Variants in DOCK9 observed in about 807,000 individuals in gnomAD.
DOCK9 encodes the protein dedicator of cytokinesis protein 9.
DOCK9 carries 89 observed loss-of-function variants against 263.3 expected under a neutral mutation model. The ratio of observed to expected loss-of-function variants is 0.34; its 90% CI spans 0.28 to 0.40. The LOEUF (loss-of-function observed/expected upper bound fraction) is 0.40, where lower values mean the gene tolerates loss of function less well. Ranked by LOEUF, DOCK9 falls within the 10% of genes least tolerant of loss-of-function variation. The pLI is 1.00. For missense variants in DOCK9, 2,140 were observed against 2,603.4 expected, an observed-to-expected ratio of 0.82 and a Z score of 3.87; for synonymous variants, 976 against 973.1, an observed-to-expected ratio of 1.00 and a Z score of -0.06.
chr13:99,015,419 C>T (rs1281217391), intron 1 of DOCK9: 5 of 1,544,452 alleles, frequency 3.2e-6, no homozygotes, highest in Middle Eastern at 2.1e-4. Context: ...CATTAAACTA[C>T]TTGTTAATTA....
chr13:98,802,533 G>C (rs1375389116), intron 49 of DOCK9, among the ~76,000 whole-genome samples: 1 of 152,226 alleles, frequency 6.6e-6, no homozygotes, highest in Non-Finnish European at 1.5e-5. Context: ...AGGTTTGGAA[G>C]ACTCTGGAAT....
At chr13:99,063,505 G>C (rs773483750) in intron 1 of DOCK9, among the ~76,000 whole-genome samples, 1 of 152,324 alleles carries the variant, frequency 6.6e-6, no homozygotes, top group Admixed American at 6.5e-5. Flanking sequence ...CCTCGGGTGA[G>C]CATCCATATG....
At chr13:98,947,506 AT>A (rs35004750) in intron 2 of DOCK9, among the ~76,000 whole-genome samples, 22,487 of 123,522 alleles carry the variant, frequency 0.18, 1,459 homozygotes, top group South Asian at 0.26. Context: ...TCTATTCAGA[AT>A]TTTTTTTTTT....
chr13:98,887,235 T>C (rs1313542534), intron 18 of DOCK9, among the ~76,000 whole-genome samples: 3 of 149,910 alleles, frequency 2.0e-5, no homozygotes, highest in African/African-American at 7.4e-5. Flanking sequence ...ATTTGGGTTA[T>C]GGAGCTAGAC....
At chr13:98,993,194 C>T (rs1266136421) in intron 1 of DOCK9, among the ~76,000 whole-genome samples, 5 of 152,158 alleles carry the variant, frequency 3.3e-5, no homozygotes, top group Non-Finnish European at 7.3e-5. Flanking sequence ...ATATGGGTAT[C>T]TGGTAGTTAA....
chr13:98,896,285 G>A (rs990667782), intron 15 of DOCK9, among the ~76,000 whole-genome samples: 1 of 152,138 alleles, frequency 6.6e-6, no homozygotes, highest in Non-Finnish European at 1.5e-5. Context: ...GGCTGAAGCC[G>A]CCTGCTGACA....
chr13:98,851,488 A>C (rs1325870778), intron 35 of DOCK9, among the ~76,000 whole-genome samples: 1 of 152,124 alleles, frequency 6.6e-6, no homozygotes, highest in African/African-American at 2.4e-5. Context: ...CCCTCAGCAC[A>C]CACCAGACGA....
At position 98,825,808 on chromosome 13, in the gene DOCK9, A is replaced by T; in HGVS notation, c.5023+1022T>A. On this transcript the variant is annotated intron_variant, in intron 44 of 52. Transcript: ENST00000682017. The surrounding 1 kb of genome is among the most constrained non-coding windows in gnomAD (Gnocchi z 4.1). ...GCAAAGTTAAAAGGGCAAATCCCCC[A>T]CCACGGGAGGGCACGTGACCAGGGC... The T allele has an allele frequency of 1.7e-6, 2 of 1,144,552 alleles. No homozygotes were observed. Among genetic ancestry groups the T allele is most frequent in the Non-Finnish European group, 2.3e-6 (2 of 852,552 alleles). The allele number at this position is 1,144,552 out of a possible 1,614,324, so 70.9% of individuals were successfully genotyped here.
rs758511650 is a variant in DOCK9 at position 98,885,799 on chromosome 13, T to C, written c.2169A>G (p.Glu723=). The change falls in exon 20 of 53, where the codon GAA becomes GAG. Residue 723 remains glutamate, a synonymous_variant. Transcript: ENST00000682017. ...IKIELPTQLH[E]KHHLLLTFFH... ...AGAATGTGAGCAACAGGTGGTGCTT[T>C]TCATGCAGCTGAGTGGGCAACTCTA... is the stretch of plus-strand genomic sequence containing the variant. 1.2e-6 allele frequency: 2 copies of C among 1,611,430 alleles called. No homozygotes were observed. Among genetic ancestry groups the C allele is most frequent in the South Asian group, 1.1e-5 (1 of 90,366 alleles).
intron 2 of DOCK9, among the ~76,000 whole-genome samples, chr13:98,932,119 G>A (rs1361304152): frequency 3.3e-5 from 5 of 152,188 alleles, no homozygotes; most frequent in East Asian, 1.9e-4. Flanking sequence ...TCGACTGGGC[G>A]CGGTGACTGA....
intron 45 of DOCK9, among the ~76,000 whole-genome samples, chr13:98,821,671 G>C (rs1190950088): frequency 6.6e-6 from 1 of 152,170 alleles, no homozygotes; most frequent in East Asian, 1.9e-4. Flanking sequence ...TTGTGAATAG[G>C]AATTGGAGGT....
rs140398561 is a variant in DOCK9 at position 98,934,129 on chromosome 13, T to C, written c.244-3872A>G. 7.5e-3 allele frequency among the ~76,000 whole-genome samples: 1,144 copies of C among 152,198 alleles called. 8 individuals are homozygous for C. The highest frequency in any genetic ancestry group is 0.011 in the Non-Finnish European group (738 of 68,006). ...CATTTTGTCCAGGCTGGTCTTGAAC[T>C]CCTGGGCTCAAGCAATCCTCCCACC... On this transcript the variant is annotated intron_variant, in intron 2 of 52. Transcript: ENST00000682017.
intron 47 of DOCK9, 134 bp from the exon 48 acceptor site, chr13:98,807,941 G>A: frequency 1.5e-6 from 1 of 678,442 alleles, no homozygotes; most frequent in Non-Finnish European, 2.3e-6. Context: ...CTTTCTGAAT[G>A]AGAAAGAAAA....
chr13:98,923,425 C>A, intron 4 of DOCK9, 54 bp from the exon 5 acceptor site: 1 of 1,432,056 alleles, frequency 7.0e-7, no homozygotes, highest in Non-Finnish European at 9.9e-7. Flanking sequence ...AAGGAAGAGG[C>A]TTTGCATTTC....
chr13:98,932,623 G>A (rs2054153037), intron 2 of DOCK9, among the ~76,000 whole-genome samples: 1 of 152,160 alleles, frequency 6.6e-6, no homozygotes, highest in African/African-American at 2.4e-5. Context: ...CAGCCTAGGT[G>A]GAGAACTTCA....
At chr13:98,946,353 G>T (rs913616091) in intron 2 of DOCK9, among the ~76,000 whole-genome samples, 3 of 152,040 alleles carry the variant, frequency 2.0e-5, no homozygotes, top group Non-Finnish European at 2.9e-5. Context: ...GTTCCAACAG[G>T]GGGAGAACAA....
chr13:98,935,295 A>T (rs1237384657), intron 2 of DOCK9, among the ~76,000 whole-genome samples: 2 of 152,230 alleles, frequency 1.3e-5, no homozygotes, highest in Non-Finnish European at 2.9e-5. Flanking sequence ...TAAATAAATA[A>T]ATATATCCAT....
intron 38 of DOCK9, among the ~76,000 whole-genome samples, chr13:98,840,814 G>A (rs1033603766): frequency 2.6e-5 from 4 of 152,228 alleles, no homozygotes; most frequent in East Asian, 3.9e-4. Context: ...ATTCTTGTTC[G>A]TATTTTGACT....
chr13:99,083,763 T>C (rs2042221041), intron 1 of DOCK9, among the ~76,000 whole-genome samples: 1 of 152,162 alleles, frequency 6.6e-6, no homozygotes, highest in African/African-American at 2.4e-5. Flanking sequence ...ATTTTAAAGC[T>C]TGTTTTTAAT....
Sources: gnomAD v4.1 joint callset for allele counts (sites outside exome capture counted in the v4.1 genomes callset) on GRCh38, gnomAD v4.1.1 for gene constraint, Gnocchi (gnomAD v3.1) non-coding constraint, MANE v1.5 for transcripts, NCBI Gene and HGNC (gene_info 2026-07-23, HGNC 2026-07-21) for gene names.